The following MAGI1 variants were observed in gnomAD, a reference collection of about 807,000 sequenced individuals.
MAGI1 encodes the protein membrane-associated guanylate kinase, WW and PDZ domain-containing protein 1.
In MAGI1, 58 loss-of-function variants were observed where a neutral mutation model predicts 139.9. The ratio of observed to expected loss-of-function variants is 0.41; its 90% CI spans 0.34 to 0.52. The LOEUF is 0.52. Ranked by LOEUF, MAGI1 falls within the 20% of genes least tolerant of loss-of-function variation. The pLI is 0.12. For synonymous variants in MAGI1, 812 were observed against 737.9 expected, an observed-to-expected ratio of 1.10 and a Z score of -1.63; for missense variants, 1,874 against 1,901.6, an observed-to-expected ratio of 0.99 and a Z score of 0.27.
chr3:66,005,118 T>C (rs964564635), intron 1 of MAGI1, among the ~76,000 whole-genome samples: 1 of 152,110 alleles, frequency 6.6e-6, no homozygotes, highest in Admixed American at 6.6e-5. Flanking sequence ...GGCTTTTTTA[T>C]TTTTAATGGA....
chr3:65,770,379 G>A (rs540356512), intron 1 of MAGI1, among the ~76,000 whole-genome samples: 1 of 152,102 alleles, frequency 6.6e-6, no homozygotes, highest in African/African-American at 2.4e-5. Flanking sequence ...GGTACCGTAG[G>A]GCATTGGTGA....
chr3:65,680,797 T>TG lies in MAGI1; in HGVS notation c.314-58710_314-58709insC, dbSNP rs1559781233. Among the ~76,000 whole-genome samples, 399 of 152,158 alleles carry TG rather than the reference T, an allele frequency of 2.6e-3. 1 individual carries two copies. Among genetic ancestry groups the TG allele is most frequent in the African/African-American group, 9.2e-3 (381 of 41,462 alleles). On this transcript the variant is annotated intron_variant, in intron 1 of 22. Coordinates refer to ENST00000402939, the MANE Select transcript of MAGI1 (RefSeq NM_001033057.2). ...TGATATGATATGATATGATATGATATACTTTAATAATTATTAAAATCATAA... is the reference window on the plus strand; with the variant it reads ...TGATATGATATGATATGATATGATATGACTTTAATAATTATTAAAATCATAA...
At position 65,713,513 on chromosome 3, in the gene MAGI1, T is replaced by G. The variant is rs1011530683; in HGVS notation, c.314-91425A>C. On this transcript the variant is annotated intron_variant, in intron 1 of 22. Transcript: ENST00000402939. ...AATATAATACTGGCTGTCTACCCTGTGGGAACTACTAAAACAAGTCAGACA... is the reference window on the plus strand; with the variant it reads ...AATATAATACTGGCTGTCTACCCTGGGGGAACTACTAAAACAAGTCAGACA... 4.6e-5 allele frequency among the ~76,000 whole-genome samples: 7 copies of G among 152,190 alleles called. No homozygotes were observed. In the East Asian group the frequency reaches 1.2e-3, roughly 25 times the overall value.
At chr3:65,615,807 G>T (rs932658499) in intron 2 of MAGI1, among the ~76,000 whole-genome samples, 6 of 152,084 alleles carry the variant, frequency 3.9e-5, no homozygotes, top group Admixed American at 3.9e-4. Flanking sequence ...TCCTTGCCTG[G>T]ACTATTACCT....
intron 1 of MAGI1, among the ~76,000 whole-genome samples, chr3:65,884,970 A>T (rs901977841): frequency 1.3e-5 from 2 of 152,232 alleles, no homozygotes; most frequent in Admixed American, 6.5e-5. Flanking sequence ...AGAGAGATAT[A>T]TAAGGCTGTA....
At chr3:65,980,392 G>A (rs1359255461) in intron 1 of MAGI1, among the ~76,000 whole-genome samples, 8 of 151,972 alleles carry the variant, frequency 5.3e-5, no homozygotes, top group South Asian at 2.1e-4. Flanking sequence ...GTGAAACACC[G>A]TCTCTACTAC....
intron 1 of MAGI1, among the ~76,000 whole-genome samples, chr3:65,967,618 T>C (rs1405874981): frequency 1.3e-5 from 2 of 152,142 alleles, no homozygotes; most frequent in Non-Finnish European, 2.9e-5. Flanking sequence ...CAATTGAAAG[T>C]GTTAATGGAA....
At chr3:65,628,243 T>C (rs2084091432) in intron 1 of MAGI1, among the ~76,000 whole-genome samples, 1 of 152,182 alleles carries the variant, frequency 6.6e-6, no homozygotes, top group Non-Finnish European at 1.5e-5. Context: ...ACATTGGCTA[T>C]TGTCACTATT....
At chr3:65,612,111 T>C (rs929454592) in intron 2 of MAGI1, among the ~76,000 whole-genome samples, 2 of 152,062 alleles carry the variant, frequency 1.3e-5, no homozygotes, top group African/African-American at 2.4e-5. Flanking sequence ...AACACTGATA[T>C]AAGTAAGGGG....
chr3:65,800,044 A>G (rs1285058945), intron 1 of MAGI1, among the ~76,000 whole-genome samples: 1 of 152,222 alleles, frequency 6.6e-6, no homozygotes, highest in Non-Finnish European at 1.5e-5. Flanking sequence ...CAAGTCTACC[A>G]CTTACTTTGC....
At chr3:65,905,031 C>T (rs2061381232) in intron 1 of MAGI1, among the ~76,000 whole-genome samples, 1 of 152,146 alleles carries the variant, frequency 6.6e-6, no homozygotes, top group Non-Finnish European at 1.5e-5. Flanking sequence ...ACCAGAACCC[C>T]ACATTACAAT....
chr3:65,483,212 A>T (rs1451294062), intron 3 of MAGI1, among the ~76,000 whole-genome samples: 1 of 152,082 alleles, frequency 6.6e-6, no homozygotes, highest in African/African-American at 2.4e-5. Context: ...TCTTATTTCA[A>T]CTCTGGCTCT....
intron 1 of MAGI1, among the ~76,000 whole-genome samples, chr3:65,708,421 G>A (rs1307407185): frequency 6.6e-6 from 1 of 152,214 alleles, no homozygotes. Context: ...TTGCTTCACT[G>A]ATAGAGGTGA....
rs1559642646 is a variant in MAGI1, at chr3:65,530,740, T to TACACATATATATACAC, written c.431-37110_431-37109insGTGTATATATATGTGT. Among the ~76,000 whole-genome samples, 117 of 97,486 alleles carry TACACATATATATACAC rather than the reference T, an allele frequency of 1.2e-3. 31 individuals carry two copies. The highest frequency in any genetic ancestry group is 0.011 in the East Asian group (30 of 2,722). The allele number at this position is 97,486 out of a possible 152,430, so 64.0% of individuals were successfully genotyped here. ...ATATATATACACACGTATATATATA[T>TACACATATATATACAC]GCACATATATATACACGTATATATA... On this transcript the variant is annotated intron_variant, in intron 2 of 22. Coordinates refer to ENST00000402939, the MANE Select transcript of MAGI1 (RefSeq NM_001033057.2).
chr3:65,663,082 C>T (rs376810165), intron 1 of MAGI1, among the ~76,000 whole-genome samples: 2 of 152,056 alleles, frequency 1.3e-5, no homozygotes, highest in South Asian at 2.1e-4. Context: ...CATATGTCCA[C>T]GATGTTTTAT....
At chr3:65,379,172 G>C (rs762794727) in intron 17 of MAGI1, 89 bp downstream of exon 17, 4 of 1,592,484 alleles carry the variant, frequency 2.5e-6, no homozygotes, top group Admixed American at 1.7e-5. Context: ...ATTTCTGCAC[G>C]TGAGGTCTGA....
intron 1 of MAGI1, among the ~76,000 whole-genome samples, chr3:65,957,096 T>C (rs1420345680): frequency 3.3e-5 from 5 of 152,118 alleles, no homozygotes; most frequent in East Asian, 3.9e-4. Flanking sequence ...TGAAAATACA[T>C]ATATACCAAA....
intron 1 of MAGI1, among the ~76,000 whole-genome samples, chr3:66,028,463 C>T (rs28550889): frequency 3.3e-5 from 5 of 151,756 alleles, no homozygotes; most frequent in Non-Finnish European, 5.9e-5. Context: ...CTGGGAAGTG[C>T]GAGAGCCTGG....
chr3:65,707,552 T>C (rs569549589), intron 1 of MAGI1, among the ~76,000 whole-genome samples: 16 of 152,194 alleles, frequency 1.1e-4, no homozygotes, highest in Admixed American at 5.2e-4. Context: ...TAGTCAGGCA[T>C]GGTTGTGCGT....
Sources: gnomAD v4.1 joint callset for allele counts (sites outside exome capture counted in the v4.1 genomes callset) on GRCh38, gnomAD v4.1.1 for gene constraint, MANE v1.5 for transcripts, NCBI Gene and HGNC (gene_info 2026-07-23, HGNC 2026-07-21) for gene names.